TXNDC16: variants seen among roughly 807,000 people sequenced by gnomAD.
The protein encoded by TXNDC16 is thioredoxin domain-containing protein 16.
Under a neutral mutation model 85.6 loss-of-function variants are expected in TXNDC16, and 74 were observed. The observed-to-expected ratio is 0.86, with a 90% CI of 0.72 to 1.05. The LOEUF (loss-of-function observed/expected upper bound fraction) is 1.05, where lower values mean the gene tolerates loss of function less well. TXNDC16 is among the 50% of genes least tolerant of loss of function. The pLI is 0.00. For missense variants in TXNDC16, 959 were observed against 947.0 expected (o/e 1.01, Z -0.17); for synonymous variants, 335 against 326.5 (o/e 1.03, Z -0.28).
At chr14:52,483,166 G>T (rs896413512) in intron 12 of TXNDC16, among the ~76,000 whole-genome samples, 3 of 152,018 alleles carry the variant, frequency 2.0e-5, no homozygotes, top group African/African-American at 7.2e-5. Context: ...CCTAGAAGTT[G>T]GGAAGTTTTA....
chr14:52,502,683 T>G (rs530788159), intron 9 of TXNDC16, among the ~76,000 whole-genome samples: 1 of 152,264 alleles, frequency 6.6e-6, no homozygotes, highest in South Asian at 2.1e-4. Context: ...CATTTCCAAC[T>G]GAGGTACAAG....
chr14:52,465,906 AAAAT>A (rs1261564932), intron 16 of TXNDC16, among the ~76,000 whole-genome samples: 1 of 152,212 alleles, frequency 6.6e-6, no homozygotes, highest in African/African-American at 2.4e-5. Flanking sequence ...AATTGCATCA[AAAAT>A]AAGATGAATT....
chr14:52,478,916 C>A (rs1343565745), intron 14 of TXNDC16, among the ~76,000 whole-genome samples: 1 of 152,038 alleles, frequency 6.6e-6, no homozygotes, highest in Non-Finnish European at 1.5e-5. Context: ...TAATCCTCAA[C>A]AAAACACTAG....
At chr14:52,532,166 A>G (rs937891353) in intron 6 of TXNDC16, among the ~76,000 whole-genome samples, 3 of 124,474 alleles carry the variant, frequency 2.4e-5, no homozygotes, top group African/African-American at 8.5e-5. Flanking sequence ...AAATTTTTAC[A>G]GTTTGTGCTT....
chr14:52,543,323 T>C, intron 3 of TXNDC16, 75 bp downstream of exon 3: 2 of 1,460,770 alleles, frequency 1.4e-6, no homozygotes, highest in Non-Finnish European at 1.9e-6. Flanking sequence ...TTAACAGAAA[T>C]TTCCCACTGA....
At chr14:52,475,683 C>G (rs2140137806) in intron 14 of TXNDC16, among the ~76,000 whole-genome samples, 1 of 152,270 alleles carries the variant, frequency 6.6e-6, no homozygotes, top group African/African-American at 2.4e-5. Flanking sequence ...CAAGTAGAAT[C>G]TGAGCTCAGA....
intron 18 of TXNDC16, among the ~76,000 whole-genome samples, chr14:52,446,700 G>C (rs2035293079): frequency 6.6e-6 from 1 of 152,092 alleles, no homozygotes; most frequent in South Asian, 2.1e-4. Context: ...GGAAAGACTG[G>C]GAAAGACTTT....
At chr14:52,479,658 A>G (rs1457147700) in intron 14 of TXNDC16, among the ~76,000 whole-genome samples, 1 of 152,184 alleles carries the variant, frequency 6.6e-6, no homozygotes, top group Non-Finnish European at 1.5e-5. Flanking sequence ...AACACTGCTG[A>G]AAGAAATCGT....
At chr14:52,535,447 C>T (rs1295443208) in intron 6 of TXNDC16, among the ~76,000 whole-genome samples, 1 of 152,056 alleles carries the variant, frequency 6.6e-6, no homozygotes, top group Non-Finnish European at 1.5e-5. Flanking sequence ...CAACTTTTCA[C>T]CTGTAAGTTT....
Position 52,522,761 on chromosome 14 carries a change from T to C in TXNDC16, c.393-3468A>G, listed in dbSNP as rs575989559. Among the ~76,000 whole-genome samples the C allele has an allele frequency of 2.0e-5, 3 of 152,286 alleles. No homozygotes were observed. The South Asian group carries it at 6.2e-4, about 32-fold the overall frequency. On this transcript the variant is annotated intron_variant, in intron 6 of 20. Coordinates refer to ENST00000281741, the MANE Select transcript of TXNDC16 (RefSeq NM_020784.3). The stretch of plus-strand genomic sequence containing the variant: ...CTTCTATCAAGGCTGAGATTTCCTA[T>C]ATCCACTCCAAATCCTTTTCTGCTT...
intron 20 of TXNDC16, among the ~76,000 whole-genome samples, chr14:52,438,331 T>C (rs962454496): frequency 6.6e-6 from 1 of 152,214 alleles, no homozygotes; most frequent in Admixed American, 6.5e-5. Context: ...GGTCAATCAA[T>C]GCTGCAAACT....
At chr14:52,486,169 C>G (rs1179873048) in intron 12 of TXNDC16, among the ~76,000 whole-genome samples, 2 of 151,756 alleles carry the variant, frequency 1.3e-5, no homozygotes, top group African/African-American at 4.8e-5. Context: ...TCCTTTCCCT[C>G]TTTTCTTATA....
chr14:52,489,926 T>C (rs2036361307), intron 11 of TXNDC16, among the ~76,000 whole-genome samples: 1 of 152,168 alleles, frequency 6.6e-6, no homozygotes, highest in South Asian at 2.1e-4. Context: ...AGCTCAAACC[T>C]CTGGGGCTCA....
intron 1 of TXNDC16, among the ~76,000 whole-genome samples, chr14:52,544,663 A>T (rs750302077): frequency 6.6e-6 from 1 of 152,048 alleles, no homozygotes. Flanking sequence ...AATATTATCA[A>T]TAAGCACATA....
At chr14:52,530,252 A>ATTATGTAATAATATATATAT (rs1193127282) in intron 6 of TXNDC16, among the ~76,000 whole-genome samples, 1 of 37,572 alleles carries the variant, frequency 2.7e-5, no homozygotes, top group African/African-American at 1.8e-4. Context: ...TATATAATAT[A>ATTATGTAATAATATATATAT]TATTATATAA....
intron 19 of TXNDC16, among the ~76,000 whole-genome samples, chr14:52,440,082 A>G (rs2140101538): frequency 6.6e-6 from 1 of 152,306 alleles, no homozygotes; most frequent in Non-Finnish European, 1.5e-5. Context: ...AAGAATAAAT[A>G]TGTCTTTCAT....
chr14:52,475,027 C>G (rs868016079), intron 14 of TXNDC16, among the ~76,000 whole-genome samples: 4 of 152,138 alleles, frequency 2.6e-5, no homozygotes, highest in Admixed American at 2.6e-4. Flanking sequence ...TCGTCCACCC[C>G]TGAACACACA....
chr14:52,493,206 T>TACACACACACAC (rs71125111), intron 9 of TXNDC16, among the ~76,000 whole-genome samples: 1 of 132,320 alleles, frequency 7.6e-6, no homozygotes, highest in Admixed American at 7.6e-5. Context: ...TATATATATA[T>TACACACACACAC]ATATATATAT....
rs1286779170 is a variant in TXNDC16 at position 52,482,225 on chromosome 14, A to G, written c.1312+5T>C. On this transcript the variant is annotated splice_donor_5th_base_variant and intron_variant, in intron 14 of 20. Transcript: ENST00000281741. Reference sequence around the variant, plus strand: ...ATAATAAGCATGCATAGCACAGTACACTACCTTTCAGTTTAACTGCCACAT... The same window carrying G: ...ATAATAAGCATGCATAGCACAGTACGCTACCTTTCAGTTTAACTGCCACAT... The G allele has an allele frequency of 6.2e-7, 1 of 1,611,316 alleles. No individual in the cohort carries two copies. The highest frequency in any genetic ancestry group is 8.5e-7 in the Non-Finnish European group (1 of 1,178,318).
Sources: allele counts gnomAD v4.1 joint callset (sites outside exome capture counted in the v4.1 genomes callset), GRCh38; gene constraint gnomAD v4.1.1; transcripts MANE v1.5; gene names NCBI Gene and HGNC (gene_info 2026-07-23, HGNC 2026-07-21).